Variants in FCHSD2 observed in about 807,000 individuals in gnomAD.
FCHSD2 encodes the protein FCH and double SH3 domains 2.
A neutral mutation model predicts 108.1 loss-of-function variants in FCHSD2; 38 were observed. That is an observed-to-expected ratio of 0.35 (90% CI 0.27 to 0.46). The LOEUF (loss-of-function observed/expected upper bound fraction) is 0.46. Ranked by LOEUF, FCHSD2 falls within the 20% of genes least tolerant of loss-of-function variation. The pLI, the probability that FCHSD2 is intolerant of heterozygous loss-of-function variation, is 1.00. For synonymous variants in FCHSD2, 279 were observed against 314.7 expected, an observed-to-expected ratio of 0.89 and a Z score of 1.20; for missense variants, 751 against 897.8, an observed-to-expected ratio of 0.84 and a Z score of 2.09.
intron 3 of FCHSD2, among the ~76,000 whole-genome samples, chr11:73,070,050 T>A (rs1300276350): frequency 6.6e-6 from 1 of 152,180 alleles, no homozygotes; most frequent in East Asian, 1.9e-4. Context: ...AAAGGGAAAC[T>A]TATCAGTCAC....
chr11:72,892,750 A>G (rs1855342349), intron 10 of FCHSD2, among the ~76,000 whole-genome samples: 2 of 151,864 alleles, frequency 1.3e-5, no homozygotes, highest in Admixed American at 1.3e-4. Flanking sequence ...GACTACAGGC[A>G]TGTGCCACCA....
chr11:73,094,191 A>G (rs1207046104), intron 2 of FCHSD2, among the ~76,000 whole-genome samples: 1 of 152,152 alleles, frequency 6.6e-6, no homozygotes, highest in Non-Finnish European at 1.5e-5. Flanking sequence ...AGCCTGGGCT[A>G]CAGAGCAAGA....
chr11:72,938,893 C>A (rs931862927), intron 8 of FCHSD2, among the ~76,000 whole-genome samples: 79 of 152,040 alleles, frequency 5.2e-4, no homozygotes, highest in Non-Finnish European at 5.3e-4. Context: ...TTGAGTTGCA[C>A]TCTAAAGCTG....
intron 4 of FCHSD2, among the ~76,000 whole-genome samples, chr11:73,010,263 T>A (rs957844839): frequency 2.0e-5 from 3 of 152,178 alleles, no homozygotes; most frequent in African/African-American, 7.2e-5. Context: ...CTTTTTTATA[T>A]CTCTCTTTGG....
At chr11:73,026,232 G>A (rs992746279) in intron 3 of FCHSD2, among the ~76,000 whole-genome samples, 4 of 152,020 alleles carry the variant, frequency 2.6e-5, no homozygotes, top group Non-Finnish European at 4.4e-5. Flanking sequence ...ACCTACCTTG[G>A]GCTCCCAAGT....
In FCHSD2 at chr11:72,907,954, C is replaced by T. The variant is rs896478907; in HGVS notation, c.829-5316G>A. On this transcript the variant is annotated intron_variant, in intron 9 of 19. Transcript: ENST00000409418. ...TGACGTGGTCACCTTATTGTGTCAT[C>T]GAATATAGATCTTATTCATTCTATC... Among the ~76,000 whole-genome samples, 12 of 152,064 alleles carry T rather than the reference C, an allele frequency of 7.9e-5. No individual in the cohort carries two copies. The South Asian group carries it at 8.3e-4, about 11-fold the overall frequency.
chr11:72,877,014 T>C (rs1854984684), intron 12 of FCHSD2, among the ~76,000 whole-genome samples: 1 of 151,938 alleles, frequency 6.6e-6, no homozygotes, highest in African/African-American at 2.4e-5. Context: ...CTTTGTTGTC[T>C]ACGCTGCAGT....
intron 8 of FCHSD2, among the ~76,000 whole-genome samples, chr11:72,975,334 T>C (rs1282205678): frequency 6.6e-6 from 1 of 152,160 alleles, no homozygotes; most frequent in Non-Finnish European, 1.5e-5. Flanking sequence ...AGAGAGTAGA[T>C]TGGTGGTTAC....
intron 13 of FCHSD2, among the ~76,000 whole-genome samples, chr11:72,851,339 C>T (rs76229346): frequency 7.9e-4 from 121 of 152,272 alleles, no homozygotes; most frequent in Admixed American, 1.4e-3. Context: ...TACTGCAACA[C>T]TGCCTGTAGT....
chr11:73,133,449 G>T (rs979979049), intron 2 of FCHSD2, among the ~76,000 whole-genome samples: 6 of 152,294 alleles, frequency 3.9e-5, no homozygotes, highest in Middle Eastern at 3.4e-3. Flanking sequence ...AAGGAATGAA[G>T]TAATGATACT....
intron 2 of FCHSD2, among the ~76,000 whole-genome samples, chr11:73,109,791 G>C (rs574395734): frequency 2.3e-4 from 35 of 152,264 alleles, no homozygotes; most frequent in Middle Eastern, 6.8e-3. Flanking sequence ...TTAGAGGAAA[G>C]GCTTTCAGTC....
At chr11:72,850,879 C>T (rs1861268777) in intron 13 of FCHSD2, among the ~76,000 whole-genome samples, 1 of 151,216 alleles carries the variant, frequency 6.6e-6, no homozygotes, top group Non-Finnish European at 1.5e-5. Flanking sequence ...CACTTGAGGT[C>T]AGGAGTTTGA....
chr11:72,841,340 C>CAAAAAA (rs59748827), intron 18 of FCHSD2, 114 bp downstream of exon 18: 85 of 373,812 alleles, frequency 2.3e-4, no homozygotes, highest in East Asian at 3.8e-4. Context: ...ACTCTGTCTC[C>CAAAAAA]AAAAAAAAAA....
At chr11:73,112,227 T>C (rs1860502380) in intron 2 of FCHSD2, among the ~76,000 whole-genome samples, 1 of 152,204 alleles carries the variant, frequency 6.6e-6, no homozygotes, top group African/African-American at 2.4e-5. Context: ...GCCTTTATTT[T>C]TCCTTAATGT....
chr11:72,870,973 A>G (rs1475478333), intron 12 of FCHSD2, among the ~76,000 whole-genome samples: 2 of 151,908 alleles, frequency 1.3e-5, no homozygotes, highest in African/African-American at 4.8e-5. Context: ...TTTGTTGACT[A>G]ACAGTAATGT....
At chr11:72,917,027 C>T (rs949142571) in intron 9 of FCHSD2, among the ~76,000 whole-genome samples, 4 of 142,546 alleles carry the variant, frequency 2.8e-5, no homozygotes, top group Admixed American at 7.4e-5. Flanking sequence ...CTCTGTCGCC[C>T]AGGCTGGAGT....
Position 72,945,118 on chromosome 11 carries a change from C to G in FCHSD2, c.706-23168G>C, listed in dbSNP as rs577193472. 4.9e-3 allele frequency among the ~76,000 whole-genome samples: 741 copies of G among 152,244 alleles called. 5 individuals are homozygous for G. Among genetic ancestry groups the G allele is most frequent in the African/African-American group, 0.017 (719 of 41,548 alleles). On this transcript the variant is annotated intron_variant, in intron 8 of 19. Transcript: ENST00000409418. The stretch of plus-strand genomic sequence containing the variant: ...TCAATCCTAAGCCAAAAGAACAAAG[C>G]TGGAGGCATCACACTACCTGACTTC...
intron 3 of FCHSD2, among the ~76,000 whole-genome samples, chr11:73,038,456 C>G (rs377056635): frequency 7.9e-5 from 12 of 152,114 alleles, no homozygotes; most frequent in African/African-American, 2.7e-4. Flanking sequence ...GGCAGTGACT[C>G]AAGATCACTC....
intron 2 of FCHSD2, among the ~76,000 whole-genome samples, chr11:73,092,955 T>C (rs1381304439): frequency 1.3e-5 from 2 of 152,152 alleles, no homozygotes; most frequent in Admixed American, 6.5e-5. Flanking sequence ...AAATAGTCTA[T>C]GCTAACAATG....
Sources: allele counts gnomAD v4.1 joint callset (sites outside exome capture counted in the v4.1 genomes callset), GRCh38; gene constraint gnomAD v4.1.1; transcripts MANE v1.5; gene names NCBI Gene and HGNC (gene_info 2026-07-23, HGNC 2026-07-21).